Variants in KCTD17 observed in about 807,000 individuals in gnomAD.
The protein encoded by KCTD17 is potassium channel tetramerization domain containing 17.
KCTD17 carries 20 observed loss-of-function variants against 41.5 expected under a neutral mutation model. The observed-to-expected ratio is 0.48, with a 90% CI of 0.34 to 0.70. The LOEUF is 0.70. KCTD17 is among the 30% of genes least tolerant of loss of function. KCTD17 has a pLI of 0.01. For missense variants in KCTD17, 317 were observed against 427.2 expected, an observed-to-expected ratio of 0.74 and a Z score of 2.27; for synonymous variants, 156 against 173.8, an observed-to-expected ratio of 0.90 and a Z score of 0.80.
rs1035626764 is a variant in KCTD17, at chr22:37,062,786, G to A, written c.*192G>A. 1.3e-5 allele frequency: 17 copies of A among 1,275,546 alleles called. No homozygotes were observed. In the Middle Eastern group the frequency reaches 8.4e-4, roughly 63 times the overall value. The allele number at this position is 1,275,546 out of a possible 1,614,324, so 79.0% of individuals were successfully genotyped here. ...CCTCTGGGCAGAGTGGACTGCTCAT[G>A]GCAGATGTGTGGCAATGTCTGGCTG... On this transcript the variant is annotated 3_prime_UTR_variant, in exon 9 of 9. Transcript: ENST00000403888.
At chr22:37,058,049 C>T (rs768449989) in intron 4 of KCTD17, among the ~76,000 whole-genome samples, 2 of 152,240 alleles carry the variant, frequency 1.3e-5, no homozygotes, top group Non-Finnish European at 2.9e-5. Flanking sequence ...GTTTACCCAT[C>T]GGGAGATCCT....
chr22:37,055,845 G>C (rs534440131), intron 2 of KCTD17, among the ~76,000 whole-genome samples: 2 of 152,292 alleles, frequency 1.3e-5, no homozygotes, highest in African/African-American at 4.8e-5. Context: ...GCTTCTCTTT[G>C]GGAGCCTCAG....
chr22:37,060,971 C>T (rs575326144), intron 6 of KCTD17, 49 bp downstream of exon 6: 2 of 1,539,106 alleles, frequency 1.3e-6, no homozygotes, highest in South Asian at 2.4e-5. Flanking sequence ...CCGGAGCCTC[C>T]CGCCCACTCC....
intron 8 of KCTD17, 75 bp from the exon 9 acceptor site, chr22:37,062,450 C>T: frequency 1.3e-6 from 2 of 1,542,796 alleles, no homozygotes; most frequent in Non-Finnish European, 1.8e-6. Context: ...GCCCCCTTGC[C>T]CTGCATCACC....
intron 2 of KCTD17, among the ~76,000 whole-genome samples, chr22:37,054,364 C>T (rs1405237091): frequency 1.3e-5 from 2 of 152,146 alleles, no homozygotes; most frequent in South Asian, 2.1e-4. Flanking sequence ...CGTCAGACAG[C>T]GCTGTCTGGG....
rs1924713147 is a variant in KCTD17, at chr22:37,053,313, G to A, written c.298+105G>A. On this transcript the variant is annotated intron_variant, in intron 2 of 8. Coordinates refer to ENST00000403888, the MANE Select transcript of KCTD17 (RefSeq NM_001282684.2). The surrounding 1 kb of genome is among the most constrained non-coding windows in gnomAD (Gnocchi z 4.1). ...ACCAGGACGGCCATCTGCCTGCTTG[G>A]TTGTTTCCTGCCTCTTCCCAGTCGG... is the stretch of plus-strand genomic sequence containing the variant. 1 of 836,962 alleles carries A rather than the reference G, an allele frequency of 1.2e-6. No individual in the cohort carries two copies. Among genetic ancestry groups the A allele is most frequent in the Admixed American group, 2.1e-5 (1 of 46,736 alleles). The allele number at this position is 836,962 out of a possible 1,614,324, so 51.8% of individuals were successfully genotyped here.
At chr22:37,051,991 C>T (rs767686948) in intron 1 of KCTD17, 42 bp downstream of exon 1, 79 of 1,363,486 alleles carry the variant, frequency 5.8e-5, no homozygotes, top group Admixed American at 1.2e-4. Context: ...GGTGGGTCCT[C>T]CGCTCGCCCG....
chr22:37,061,540 TTCCCGTCCGCA>T lies in KCTD17; in HGVS notation c.787_797del (p.Ser263ProfsTer5). ...CCTCCTCACGTTTCCTCCTTGCAGG[TTCCCGTCCGCA>T]CCCTCTCAGACCTGAGGCTGAGCTT... is the stretch of plus-strand genomic sequence containing the variant. On this transcript the variant is annotated frameshift_variant and splice_region_variant, in exon 8 of 9. Transcript: ENST00000403888. LOFTEE classifies it high-confidence loss of function. This position sits in a 1 kb window ranked among gnomAD's most constrained non-coding sequence, Gnocchi z 6.6. 6.2e-7 allele frequency: 1 copy of T among 1,601,034 alleles called. No individual in the cohort carries two copies. The highest frequency in any genetic ancestry group is 1.1e-5 in the South Asian group (1 of 90,918).
In KCTD17 at chr22:37,056,365, G is replaced by A. The variant is rs757565419; in HGVS notation, c.344G>A (p.Arg115His). The A allele has an allele frequency of 1.5e-5, 25 of 1,613,496 alleles. No individual in the cohort carries two copies. Among genetic ancestry groups the A allele is most frequent in the African/African-American group, 2.7e-5 (2 of 74,922 alleles). Residue 115 changes from arginine to histidine, a missense_variant, in exon 3 of 9, where the codon CGC (arginine) becomes CAC (histidine). Around this residue, in one of 4 missense-constraint regions of KCTD17, gnomAD observed 99 missense variants for 166.5 expected, o/e 0.59. Transcript: ENST00000403888. ...AEFYNIGPLI[R>H]IIKDRMEEKD... ...TTCTACAACATCGGCCCGCTGATCC[G>A]CATCATCAAAGACCGGATGGAAGAG...
chr22:37,061,678 T>C lies in KCTD17; in HGVS notation c.875+49T>C, dbSNP rs955718541. The C allele has an allele frequency of 4.5e-6, 7 of 1,546,392 alleles. No individual in the cohort carries two copies. Among genetic ancestry groups the C allele is most frequent in the Non-Finnish European group, 6.1e-6 (7 of 1,151,278 alleles). ...GGGAGGGGTGGAGCGAGGAGGGTGC[T>C]CATCTCTTGATCCTTGGACTTGAGC... On this transcript the variant is annotated intron_variant, in intron 8 of 8. Coordinates refer to ENST00000403888, the MANE Select transcript of KCTD17 (RefSeq NM_001282684.2). The surrounding 1 kb of genome is among the most constrained non-coding windows in gnomAD (Gnocchi z 6.6).
chr22:37,052,569 C>T (rs1273343770), intron 1 of KCTD17: 2 of 470,720 alleles, frequency 4.2e-6, no homozygotes, highest in South Asian at 3.1e-5. Context: ...GTCCCCCATC[C>T]GTGACCCTCC....
Position 37,051,839 on chromosome 22 carries a change from C to A in KCTD17, c.79C>A (p.Arg27=). Residue 27 remains arginine (R), a synonymous_variant, in exon 1 of 9, where the codon CGG becomes AGG. Transcript: ENST00000403888. ...CGCAGGCGGCTGGGGCAAGTGGGTG[C>A]GGCTCAACGTGGGGGGCACGGTGTT... ...RAAGGWGKWV[R]LNVGGTVFLT... The A allele has an allele frequency of 7.0e-7, 1 of 1,430,250 alleles. No individual in the cohort carries two copies. Among genetic ancestry groups the A allele is most frequent in the South Asian group, 1.4e-5 (1 of 70,860 alleles). The allele number at this position is 1,430,250 out of a possible 1,614,324, so 88.6% of individuals were successfully genotyped here. A position where few individuals can be genotyped will look rare whatever the true frequency, so the allele number is the denominator to read the frequency against.
In KCTD17 at chr22:37,063,178, C is replaced by T. The variant is rs180708556; in HGVS notation, c.*584C>T. Reference sequence around the variant, plus strand: ...TCTCTTTGGTGATCCCACCCCCAGCCATTTGCATTGCTGGCCCAGCGCCTG... The same window carrying T: ...TCTCTTTGGTGATCCCACCCCCAGCTATTTGCATTGCTGGCCCAGCGCCTG... On this transcript the variant is annotated 3_prime_UTR_variant, in exon 9 of 9. Coordinates refer to ENST00000403888, the MANE Select transcript of KCTD17 (RefSeq NM_001282684.2). The surrounding 1 kb of genome is among the most constrained non-coding windows in gnomAD (Gnocchi z 4.6). 1 of 152,992 alleles carries T rather than the reference C, an allele frequency of 6.5e-6. No individual in the cohort carries two copies. The highest frequency in any genetic ancestry group is 1.9e-4 in the East Asian group (1 of 5,176). 9.5% of individuals were successfully genotyped at this position (152,992 alleles called of 1,614,324 possible). A position where few individuals can be genotyped will look rare whatever the true frequency, so the allele number is the denominator to read the frequency against.
At chr22:37,057,714 C>T (rs1925310620) in intron 4 of KCTD17, among the ~76,000 whole-genome samples, 1 of 152,144 alleles carries the variant, frequency 6.6e-6, no homozygotes, top group African/African-American at 2.4e-5. Context: ...GGCCATAGGA[C>T]AGCACGGGGT....
rs6000545 is a variant in KCTD17 at position 37,059,200 on chromosome 22, G to A, written c.487-113G>A. The stretch of plus-strand genomic sequence containing the variant: ...AACCCAGGAGTGGGCCCGACAAGCC[G>A]CAAGATTAGGACCTGAGCTGGTATC... On this transcript the variant is annotated intron_variant, in intron 4 of 8. Transcript: ENST00000403888. 3,770 of 1,472,726 alleles carry A rather than the reference G, an allele frequency of 2.6e-3. 38 individuals carry two copies. In the African/African-American group the frequency reaches 0.034, roughly 13 times the overall value. The allele number at this position is 1,472,726 out of a possible 1,614,324, so 91.2% of individuals were successfully genotyped here.
Position 37,061,749 on chromosome 22 carries a change from A to T in KCTD17, c.875+120A>T. 2.7e-6 allele frequency: 4 copies of T among 1,456,178 alleles called. No individual in the cohort carries two copies. The South Asian group carries it at 5.4e-5, about 20-fold the overall frequency. 90.2% of individuals were successfully genotyped at this position (1,456,178 alleles called of 1,614,324 possible). ...TCCACCCACCAAAGTTTCTCATCCG[A>T]CCTTGGCCTTGGGGGTGAGGCTCTG... On this transcript the variant is annotated intron_variant, in intron 8 of 8. Coordinates refer to ENST00000403888, the MANE Select transcript of KCTD17 (RefSeq NM_001282684.2). The surrounding 1 kb of genome is among the most constrained non-coding windows in gnomAD (Gnocchi z 6.6).
In KCTD17 at chr22:37,061,498, T is replaced by C. The variant is rs1484910836; in HGVS notation, c.785-41T>C. The C allele has an allele frequency of 5.7e-6, 9 of 1,577,572 alleles. No homozygotes were observed. The African/African-American group carries it at 6.7e-5, about 12-fold the overall frequency. ...CCCTGGCTGCAGGCCCTGCCCCCCC[T>C]CCTCTCCTCCCGGCCTCCTCCTCAC... On this transcript the variant is annotated intron_variant, in intron 7 of 8. Transcript: ENST00000403888. The surrounding 1 kb of genome is among the most constrained non-coding windows in gnomAD (Gnocchi z 6.6).
chr22:37,061,084 C>T lies in KCTD17; in HGVS notation c.713-20C>T. ...CGCCTCACCCGCATAACCATCCCTT[C>T]TCTCACTTTCTCTTTGCAGCCCAGT... On this transcript the variant is annotated intron_variant, in intron 6 of 8. Coordinates refer to ENST00000403888, the MANE Select transcript of KCTD17 (RefSeq NM_001282684.2). This position sits in a 1 kb window ranked among gnomAD's most constrained non-coding sequence, Gnocchi z 6.6. The T allele has an allele frequency of 6.4e-7, 1 of 1,551,498 alleles. No homozygotes were observed. Among genetic ancestry groups the T allele is most frequent in the Non-Finnish European group, 8.7e-7 (1 of 1,146,922 alleles).
intron 1 of KCTD17, chr22:37,052,650 C>T (rs1244222328): frequency 8.5e-6 from 4 of 470,850 alleles, no homozygotes; most frequent in African/African-American, 2.0e-5. Context: ...CGCATGGAAG[C>T]CCACCCTGCC....
Sources: allele counts gnomAD v4.1 joint callset (sites outside exome capture counted in the v4.1 genomes callset), GRCh38; gene constraint gnomAD v4.1.1; regional missense constraint gnomAD v4.1.1; non-coding constraint Gnocchi (gnomAD v3.1); transcripts MANE v1.5; gene names NCBI Gene and HGNC (gene_info 2026-07-23, HGNC 2026-07-21).